The following PACSIN2 variants were observed in gnomAD, a reference collection of about 807,000 sequenced individuals.
PACSIN2 encodes protein kinase C and casein kinase substrate in neurons 2, also known as protein kinase C and casein kinase substrate in neurons protein 2.
In PACSIN2, 25 loss-of-function variants were observed where a neutral mutation model predicts 63.8. The observed-to-expected ratio is 0.39, with a 90% CI of 0.29 to 0.55. The LOEUF is 0.55. Ranked by LOEUF, PACSIN2 falls within the 20% of genes least tolerant of loss-of-function variation. The pLI, the probability that PACSIN2 is intolerant of heterozygous loss-of-function variation, is 0.62. For synonymous variants in PACSIN2, 255 were observed against 256.2 expected (o/e 1.00, Z 0.05); for missense variants, 518 against 646.9 (o/e 0.80, Z 2.16).
chr22:42,898,437 A>G (rs1407075116), intron 2 of PACSIN2, among the ~76,000 whole-genome samples: 3 of 151,776 alleles, frequency 2.0e-5, no homozygotes, highest in African/African-American at 4.8e-5. Flanking sequence ...ACGCCCAGCT[A>G]ATTTTGTATT....
intron 1 of PACSIN2, among the ~76,000 whole-genome samples, chr22:42,945,181 C>T (rs9968036): frequency 0.01 from 1,541 of 151,700 alleles, 33 homozygotes; most frequent in South Asian, 0.046. Flanking sequence ...TGAGTCTGCA[C>T]AGTGACTAGA....
intron 1 of PACSIN2, among the ~76,000 whole-genome samples, chr22:43,006,426 C>A (rs922958872): frequency 6.6e-6 from 1 of 152,206 alleles, no homozygotes; most frequent in Non-Finnish European, 1.5e-5. Flanking sequence ...ATGTTCCTAA[C>A]CTCCAAAACC....
At chr22:42,975,013 G>C (rs1921593997) in intron 1 of PACSIN2, among the ~76,000 whole-genome samples, 1 of 152,138 alleles carries the variant, frequency 6.6e-6, no homozygotes, top group South Asian at 2.1e-4. Context: ...GTGGGTCAGG[G>C]AGAGTCAGCA....
In PACSIN2 at chr22:42,912,133, G is replaced by T. The variant is rs555339332; in HGVS notation, c.-53C>A. 5 of 1,295,664 alleles carry T rather than the reference G, an allele frequency of 3.9e-6. No individual in the cohort carries two copies. Among genetic ancestry groups the T allele is most frequent in the Non-Finnish European group, 5.4e-6 (5 of 923,668 alleles). The allele number at this position is 1,295,664 out of a possible 1,614,324, so 80.3% of individuals were successfully genotyped here. On this transcript the variant is annotated 5_prime_UTR_variant, in exon 2 of 11. Transcript: ENST00000263246. ...GTATACTTAGTCAGGGGTCAACTTC[G>T]AACGCTCAAAATCTGTAGACAAACC...
At chr22:42,900,468 A>C (rs6519351) in intron 2 of PACSIN2, among the ~76,000 whole-genome samples, 2 of 151,896 alleles carry the variant, frequency 1.3e-5, no homozygotes, top group Non-Finnish European at 1.5e-5. Flanking sequence ...GTCTATTTTT[A>C]AAAATTAAAT....
At chr22:42,909,979 G>A (rs902896097) in intron 2 of PACSIN2, among the ~76,000 whole-genome samples, 1 of 152,096 alleles carries the variant, frequency 6.6e-6, no homozygotes, top group Admixed American at 6.6e-5. Flanking sequence ...AACACTTAAC[G>A]TTTATTCATT....
rs764865923 is a variant in PACSIN2 at position 42,999,395 on chromosome 22, C to T, written c.-78+15626G>A. Among the ~76,000 whole-genome samples, 6 of 152,182 alleles carry T rather than the reference C, an allele frequency of 3.9e-5. No homozygotes were observed. The East Asian group carries it at 7.7e-4, about 20-fold the overall frequency. On this transcript the variant is annotated intron_variant, in intron 1 of 10. Coordinates refer to ENST00000263246, the MANE Select transcript of PACSIN2 (RefSeq NM_001184970.3). ...TTAAAAAATCTGTCTACAGGCCAGG[C>T]GTGGTGGCTCATGCCTCTAATCCCA...
At chr22:42,959,680 T>C (rs777451068) in intron 1 of PACSIN2, 2 of 152,176 alleles carry the variant, frequency 1.3e-5, no homozygotes, top group African/African-American at 2.4e-5. Context: ...TGCGCTTGCA[T>C]AGAAGGTGAG....
intron 1 of PACSIN2, among the ~76,000 whole-genome samples, chr22:42,960,436 T>G (rs2068944): frequency 0.61 from 93,274 of 152,084 alleles, 29,287 homozygotes; most frequent in East Asian, 0.78. Context: ...GACAGGCAGG[T>G]GACCCCATGG....
chr22:42,972,760 TTATGTTGCC>T (rs1670151019), intron 1 of PACSIN2, among the ~76,000 whole-genome samples: 1 of 152,068 alleles, frequency 6.6e-6, no homozygotes, highest in Non-Finnish European at 1.5e-5. Context: ...TTTTTTTTTC[TTATGTTGCC>T]CAGGCTGGAC....
intron 10 of PACSIN2, among the ~76,000 whole-genome samples, chr22:42,875,372 A>G (rs1216873674): frequency 6.6e-6 from 1 of 150,836 alleles, no homozygotes; most frequent in Non-Finnish European, 1.5e-5. Flanking sequence ...CAGGTTATTT[A>G]TTTGTTTGTT....
At chr22:42,980,567 G>A (rs986336667) in intron 1 of PACSIN2, among the ~76,000 whole-genome samples, 1 of 130,782 alleles carries the variant, frequency 7.6e-6, no homozygotes, top group African/African-American at 2.9e-5. Flanking sequence ...CTGCCATCTC[G>A]GCTCACTGCA....
intron 1 of PACSIN2, among the ~76,000 whole-genome samples, chr22:42,970,259 C>G (rs904699684): frequency 6.6e-6 from 1 of 152,218 alleles, no homozygotes; most frequent in African/African-American, 2.4e-5. Context: ...ATGGCAGTAT[C>G]AGGTGCCTCC....
chr22:42,989,859 G>GA (rs575057018), intron 1 of PACSIN2, among the ~76,000 whole-genome samples: 4,273 of 115,082 alleles, frequency 0.037, 214 homozygotes, highest in African/African-American at 0.13. Context: ...CTTGGAGGGG[G>GA]AAAAAAAAAT....
At chr22:43,013,018 C>T (rs963654678) in intron 1 of PACSIN2, among the ~76,000 whole-genome samples, 1 of 152,180 alleles carries the variant, frequency 6.6e-6, no homozygotes, top group Non-Finnish European at 1.5e-5. Flanking sequence ...TCTCTAAGTT[C>T]TGACCTCAGG....
At chr22:42,907,901 C>G (rs191716023) in intron 2 of PACSIN2, among the ~76,000 whole-genome samples, 159 of 152,310 alleles carry the variant, frequency 1.0e-3, no homozygotes, top group Non-Finnish European at 1.9e-3. Context: ...GGTGTTCTCA[C>G]GTGATGAGCT....
At chr22:42,872,720 A>G (rs996052136) in intron 10 of PACSIN2, among the ~76,000 whole-genome samples, 1 of 152,220 alleles carries the variant, frequency 6.6e-6, no homozygotes, top group African/African-American at 2.4e-5. Flanking sequence ...GGTACTGTGA[A>G]GATTAAGTGT....
intron 1 of PACSIN2, among the ~76,000 whole-genome samples, chr22:42,956,175 A>C (rs1229131864): frequency 6.6e-6 from 1 of 152,226 alleles, no homozygotes; most frequent in Non-Finnish European, 1.5e-5. Flanking sequence ...CAAAAAGATA[A>C]TCTAAATGCC....
intron 1 of PACSIN2, among the ~76,000 whole-genome samples, chr22:42,928,621 A>G (rs1276531283): frequency 1.3e-5 from 2 of 152,232 alleles, no homozygotes; most frequent in African/African-American, 4.8e-5. Flanking sequence ...TAATGTCTGA[A>G]GACAATGAAG....
Sources: gnomAD v4.1 joint callset for allele counts (sites outside exome capture counted in the v4.1 genomes callset) on GRCh38, gnomAD v4.1.1 for gene constraint, MANE v1.5 for transcripts, NCBI Gene and HGNC (gene_info 2026-07-23, HGNC 2026-07-21) for gene names.